CNTN1: variants seen among roughly 807,000 people sequenced by gnomAD.
The protein encoded by CNTN1 is contactin-1.
In CNTN1, 38 loss-of-function variants were observed where a neutral mutation model predicts 126.4. The observed-to-expected ratio is 0.30, with a 90% confidence interval of 0.23 to 0.39. The LOEUF is 0.39. CNTN1 is among the 10% of genes least tolerant of loss of function. CNTN1 has a pLI of 1.00. For synonymous variants in CNTN1, 413 were observed against 422.6 expected (o/e 0.98, Z 0.28); for missense variants, 1,009 against 1,248.4 (o/e 0.81, Z 2.89).
chr12:40,849,248 A>T (rs1260234773), intron 1 of CNTN1, among the ~76,000 whole-genome samples: 8 of 152,148 alleles, frequency 5.3e-5, no homozygotes, highest in African/African-American at 1.4e-4. Flanking sequence ...ACACTTATTT[A>T]AAAAAGGTGT....
intron 1 of CNTN1, among the ~76,000 whole-genome samples, chr12:40,773,696 CAT>C (rs369635772): frequency 0.17 from 3,445 of 19,888 alleles, 252 homozygotes; most frequent in African/African-American, 0.27. Flanking sequence ...TATATATACA[CAT>C]ATATATATAT....
At chr12:40,917,449 G>A (rs921259224) in intron 3 of CNTN1, among the ~76,000 whole-genome samples, 1 of 151,974 alleles carries the variant, frequency 6.6e-6, no homozygotes, top group Admixed American at 6.6e-5. Context: ...TTGTCCAAAG[G>A]CACACTGATA....
rs77162331 is a variant in CNTN1 at position 41,058,104 on chromosome 12, C to A, written c.2981-11855C>A. 1.1e-3 allele frequency among the ~76,000 whole-genome samples: 162 copies of A among 152,100 alleles called. 1 individual carries two copies. In the East Asian group the frequency reaches 0.018, roughly 17 times the overall value. ...AGTGGTCCTGTGACAAACGCAAGAA[C>A]CTCAACATGGAAAAACAGGTAAAGT... On this transcript the variant is annotated intron_variant, in intron 23 of 23. Transcript: ENST00000551295.
intron 1 of CNTN1, among the ~76,000 whole-genome samples, chr12:40,827,178 G>GTT (rs34367774): frequency 3.2e-4 from 47 of 145,446 alleles, no homozygotes; most frequent in African/African-American, 1.0e-3. Context: ...TTTAAAGCCT[G>GTT]TTTTTTTTTT....
intron 1 of CNTN1, among the ~76,000 whole-genome samples, chr12:40,874,284 G>T (rs780767752): frequency 6.6e-6 from 1 of 151,830 alleles, no homozygotes; most frequent in South Asian, 2.1e-4. Flanking sequence ...ATACAAATAC[G>T]TATTAGTTAT....
chr12:40,872,571 C>CTTTT (rs35866838), intron 1 of CNTN1, among the ~76,000 whole-genome samples: 2,915 of 108,486 alleles, frequency 0.027, 119 homozygotes, highest in Non-Finnish European at 0.034. Flanking sequence ...TTTTTTCTTT[C>CTTTT]TTTTTTTTTT....
At chr12:40,773,872 G>A (rs1939473428) in intron 1 of CNTN1, among the ~76,000 whole-genome samples, 1 of 151,378 alleles carries the variant, frequency 6.6e-6, no homozygotes, top group African/African-American at 2.4e-5. Context: ...ATTGTTAGAA[G>A]CATATCTTTA....
At chr12:40,919,329 A>T (rs1565947433) in intron 4 of CNTN1, among the ~76,000 whole-genome samples, 2 of 152,174 alleles carry the variant, frequency 1.3e-5, no homozygotes, top group African/African-American at 4.8e-5. Context: ...TCTGGGTTAC[A>T]TATGTATGCT....
At chr12:40,814,692 TC>T (rs1313790227) in intron 1 of CNTN1, among the ~76,000 whole-genome samples, 1 of 152,144 alleles carries the variant, frequency 6.6e-6, no homozygotes, top group Non-Finnish European at 1.5e-5. Flanking sequence ...CTTTTTTGGT[TC>T]CATATGAACT....
chr12:40,857,101 A>G (rs1408384589), intron 1 of CNTN1, among the ~76,000 whole-genome samples: 1 of 152,150 alleles, frequency 6.6e-6, no homozygotes, highest in African/African-American at 2.4e-5. Flanking sequence ...TTTTGTAGGC[A>G]AAAACTTTGA....
At chr12:40,835,610 C>T (rs2136564213) in intron 1 of CNTN1, among the ~76,000 whole-genome samples, 1 of 152,182 alleles carries the variant, frequency 6.6e-6, no homozygotes, top group South Asian at 2.1e-4. Flanking sequence ...CCAATATGAT[C>T]ATTTCTAAAA....
intron 1 of CNTN1, among the ~76,000 whole-genome samples, chr12:40,830,276 T>C (rs148891269): frequency 2.0e-5 from 3 of 152,242 alleles, no homozygotes; most frequent in Non-Finnish European, 4.4e-5. Context: ...GGCTATCAAT[T>C]GGGAGGAACC....
chr12:40,810,859 T>A (rs1019405710), intron 1 of CNTN1, among the ~76,000 whole-genome samples: 3 of 151,966 alleles, frequency 2.0e-5, no homozygotes, highest in African/African-American at 7.3e-5. Flanking sequence ...CTACCAAATA[T>A]AAATAAATAA....
intron 1 of CNTN1, among the ~76,000 whole-genome samples, chr12:40,867,953 G>C (rs1349455773): frequency 6.6e-6 from 1 of 151,214 alleles, no homozygotes; most frequent in African/African-American, 2.4e-5. Flanking sequence ...TGCTACTGTG[G>C]TTAGAAACAC....
At chr12:40,826,629 T>C in intron 1 of CNTN1, among the ~76,000 whole-genome samples, 1 of 152,192 alleles carries the variant, frequency 6.6e-6, no homozygotes, top group South Asian at 2.1e-4. Flanking sequence ...TCTGCACCTA[T>C]TGTCATCAGC....
chr12:40,954,867 G>T (rs575071601), intron 14 of CNTN1, among the ~76,000 whole-genome samples: 2 of 152,106 alleles, frequency 1.3e-5, no homozygotes, highest in Non-Finnish European at 2.9e-5. Flanking sequence ...GTGACAGTAT[G>T]CTTGAAGTAC....
chr12:40,889,512 A>C (rs1195669818), intron 1 of CNTN1, among the ~76,000 whole-genome samples: 5 of 152,208 alleles, frequency 3.3e-5, no homozygotes. Context: ...TCAGGAATTT[A>C]AAAACTGTTT....
At chr12:40,980,159 G>A (rs565843640) in intron 15 of CNTN1, among the ~76,000 whole-genome samples, 55 of 152,112 alleles carry the variant, frequency 3.6e-4, no homozygotes, top group Non-Finnish European at 6.3e-4. Flanking sequence ...GTGGGCCAGT[G>A]CGGTGGTTCA....
intron 1 of CNTN1, among the ~76,000 whole-genome samples, chr12:40,869,540 G>T (rs940347997): frequency 1.3e-5 from 2 of 152,032 alleles, no homozygotes; most frequent in Non-Finnish European, 2.9e-5. Flanking sequence ...AAAGTGCTGG[G>T]ATTACACCTG....
Sources: allele counts gnomAD v4.1 joint callset (sites outside exome capture counted in the v4.1 genomes callset), GRCh38; gene constraint gnomAD v4.1.1; transcripts MANE v1.5; gene names NCBI Gene and HGNC (gene_info 2026-07-23, HGNC 2026-07-21).